Variants in PARD3 observed in about 807,000 individuals in gnomAD.
PARD3 encodes the protein par-3 family cell polarity regulator.
In PARD3, 75 loss-of-function variants were observed where a neutral mutation model predicts 155.4. That is an observed-to-expected ratio of 0.48 (90% CI 0.40 to 0.58). The LOEUF (loss-of-function observed/expected upper bound fraction) is 0.58. Among genes scored for constraint, PARD3 ranks in the 20% least tolerant of loss-of-function variants. The pLI is 0.00. For missense variants in PARD3, 1,642 were observed against 1,721.7 expected (o/e 0.95, Z 0.82); for synonymous variants, 576 against 610.5 (o/e 0.94, Z 0.83).
Position 34,632,749 on chromosome 10 carries a change from A to G in PARD3, c.222+63569T>C, listed in dbSNP as rs189742806. ...CAAAGCATTAGTAGCGTACAGCTCTAGAGGATAAACCCAGCAAGTCTTACC... is the reference window on the plus strand; with the variant it reads ...CAAAGCATTAGTAGCGTACAGCTCTGGAGGATAAACCCAGCAAGTCTTACC... On this transcript the variant is annotated intron_variant, in intron 2 of 24. Transcript: ENST00000374788. 8.5e-5 allele frequency among the ~76,000 whole-genome samples: 13 copies of G among 152,378 alleles called. No individual in the cohort carries two copies. The East Asian group carries it at 2.5e-3, about 29-fold the overall frequency.
intron 2 of PARD3, among the ~76,000 whole-genome samples, chr10:34,606,986 AGAC>A (rs1164477108): frequency 6.7e-6 from 1 of 150,284 alleles, no homozygotes; most frequent in African/African-American, 2.5e-5. Context: ...AAAAAAAAAA[AGAC>A]AGCCAAACAC....
intron 3 of PARD3, among the ~76,000 whole-genome samples, chr10:34,475,900 C>A (rs754624619): frequency 4.6e-5 from 7 of 152,068 alleles, no homozygotes; most frequent in Non-Finnish European, 8.8e-5. Flanking sequence ...GTCTGAATAA[C>A]CAGTTTTTCT....
At chr10:34,489,347 C>T (rs2079719689) in intron 3 of PARD3, among the ~76,000 whole-genome samples, 1 of 152,106 alleles carries the variant, frequency 6.6e-6, no homozygotes, top group Non-Finnish European at 1.5e-5. Flanking sequence ...ACAGACTACG[C>T]CACGAAGAGA....
chr10:34,265,226 TCAAA>T (rs762425657), intron 22 of PARD3, among the ~76,000 whole-genome samples: 6 of 152,186 alleles, frequency 3.9e-5, no homozygotes, highest in Non-Finnish European at 7.3e-5. Context: ...TATAATAAAA[TCAAA>T]CAGACATGGG....
intron 20 of PARD3, among the ~76,000 whole-genome samples, chr10:34,285,586 A>G (rs1956347128): frequency 6.6e-6 from 1 of 152,042 alleles, no homozygotes; most frequent in Non-Finnish European, 1.5e-5. Context: ...AAAAAAAAAA[A>G]AGAAAGAAAG....
intron 1 of PARD3, among the ~76,000 whole-genome samples, chr10:34,806,962 T>A (rs964338919): frequency 6.6e-6 from 1 of 152,136 alleles, no homozygotes; most frequent in African/African-American, 2.4e-5. Context: ...AGCTCAAAAT[T>A]TCTGGGAGCC....
rs560206080 is a variant in PARD3, at chr10:34,367,129, G to T, written c.1707+5369C>A. 1.2e-4 allele frequency among the ~76,000 whole-genome samples: 18 copies of T among 152,106 alleles called. No individual in the cohort carries two copies. In the South Asian group the frequency reaches 3.7e-3, roughly 32 times the overall value. On this transcript the variant is annotated intron_variant, in intron 12 of 24. Transcript: ENST00000374788. ...AAACATCAGACAAACTCAAATTGAG[G>T]GACATTCTCAAAGTAATCTGCCCCT...
intron 12 of PARD3, among the ~76,000 whole-genome samples, chr10:34,361,959 C>A (rs575097898): frequency 3.3e-5 from 5 of 152,250 alleles, no homozygotes; most frequent in Non-Finnish European, 5.9e-5. Flanking sequence ...AAGCCTTAAG[C>A]CTGCTCATCA....
At position 34,244,548 on chromosome 10, in the gene PARD3, G is replaced by A. The variant is rs141973429; in HGVS notation, c.3419+25109C>T. On this transcript the variant is annotated intron_variant, in intron 22 of 24. Coordinates refer to ENST00000374788, the MANE Select transcript of PARD3 (RefSeq NM_001184785.2). The stretch of plus-strand genomic sequence containing the variant: ...AAATTCACCAAGAAAAAAATGCAAC[G>A]TTATCAATTCTGAATTATGGTTATT... Among the ~76,000 whole-genome samples, 40 of 152,106 alleles carry A rather than the reference G, an allele frequency of 2.6e-4. 1 individual carries two copies. The East Asian group carries it at 5.2e-3, about 20-fold the overall frequency.
At chr10:34,720,800 A>G (rs12356453) in intron 1 of PARD3, among the ~76,000 whole-genome samples, 35,245 of 150,994 alleles carry the variant, frequency 0.23, 5,331 homozygotes, top group East Asian at 0.5. Context: ...TCTGTCTCCA[A>G]AAAAAAAAAG....
intron 2 of PARD3, among the ~76,000 whole-genome samples, chr10:34,630,469 G>A (rs1396475507): frequency 6.8e-6 from 1 of 146,964 alleles, no homozygotes; most frequent in Non-Finnish European, 1.5e-5. Context: ...TTCTTCCGGA[G>A]ACAGGGTCTT....
Position 34,342,522 on chromosome 10 carries a change from T to C in PARD3, c.2219-706A>G, listed in dbSNP as rs16935339. On this transcript the variant is annotated intron_variant, in intron 15 of 24. Coordinates refer to ENST00000374788, the MANE Select transcript of PARD3 (RefSeq NM_001184785.2). ...TAAATGCATGATGGAGAAAAGCCCATGATGCAGTCAGGTGAAACTTAAAAG... is the reference window on the plus strand; with the variant it reads ...TAAATGCATGATGGAGAAAAGCCCACGATGCAGTCAGGTGAAACTTAAAAG... Among the ~76,000 whole-genome samples the C allele has an allele frequency of 8.0e-3, 1,219 of 152,278 alleles. 19 individuals carry two copies. The highest frequency in any genetic ancestry group is 0.028 in the African/African-American group (1,153 of 41,566).
rs747814398 is a variant in PARD3 at position 34,111,137 on chromosome 10, T to C, written c.*32A>G. ...GTCTTCATAGGAAAATGTCTTTTAT[T>C]GCGCGACATGAAGCATCCGTTATTT... On this transcript the variant is annotated 3_prime_UTR_variant, in exon 25 of 25. Coordinates refer to ENST00000374788, the MANE Select transcript of PARD3 (RefSeq NM_001184785.2). 105 of 1,514,296 alleles carry C rather than the reference T, an allele frequency of 6.9e-5. No homozygotes were observed. In the East Asian group the frequency reaches 2.3e-3, roughly 33 times the overall value. 93.8% of individuals were successfully genotyped at this position (1,514,296 alleles called of 1,614,324 possible). A position where few individuals can be genotyped will look rare whatever the true frequency, so the allele number is the denominator to read the frequency against.
chr10:34,680,061 C>T (rs1466625663), intron 2 of PARD3, among the ~76,000 whole-genome samples: 1 of 151,682 alleles, frequency 6.6e-6, no homozygotes, highest in Non-Finnish European at 1.5e-5. Flanking sequence ...AGAACCTGCA[C>T]TTGTACTATC....
At chr10:34,285,393 T>G (rs770496420) in intron 20 of PARD3, among the ~76,000 whole-genome samples, 34 of 151,988 alleles carry the variant, frequency 2.2e-4, no homozygotes, top group Non-Finnish European at 4.3e-4. Context: ...CTGGGCAACA[T>G]AGCGAGACCT....
chr10:34,800,368 G>C (rs950900303), intron 1 of PARD3, among the ~76,000 whole-genome samples: 24 of 152,202 alleles, frequency 1.6e-4, no homozygotes, highest in Admixed American at 1.2e-3. Flanking sequence ...CCAGCACTTT[G>C]GGAGGTCGAG....
rs938821519 is a variant in PARD3, at chr10:34,574,718, C to T, written c.223-57559G>A. ...AGTGTTCCCTTTAGACAGAGAACCA[C>T]GGAACCAAGATATAGGAGCTCCTTC... On this transcript the variant is annotated intron_variant, in intron 2 of 24. Transcript: ENST00000374788. Among the ~76,000 whole-genome samples, 7 of 152,212 alleles carry T rather than the reference C, an allele frequency of 4.6e-5. No individual in the cohort carries two copies. In the South Asian group the frequency reaches 6.2e-4, roughly 14 times the overall value.
Position 34,285,509 on chromosome 10 carries a change from C to T in PARD3, c.3066-1264G>A, listed in dbSNP as rs189885083. On this transcript the variant is annotated intron_variant, in intron 20 of 24. Coordinates refer to ENST00000374788, the MANE Select transcript of PARD3 (RefSeq NM_001184785.2). ...GAAGGATGGCTTGAGCCTGGGAGTT[C>T]GAAGCTGTGTGAACTGTGATTGCGC... Among the ~76,000 whole-genome samples the T allele has an allele frequency of 3.3e-5, 5 of 151,152 alleles. No homozygotes were observed. The East Asian group carries it at 9.8e-4, about 30-fold the overall frequency.
intron 7 of PARD3, among the ~76,000 whole-genome samples, chr10:34,394,603 T>G (rs959122672): frequency 6.6e-6 from 1 of 152,184 alleles, no homozygotes; most frequent in Non-Finnish European, 1.5e-5. Context: ...TGGGATTACA[T>G]GAATGAGCCA....
Sources: gnomAD v4.1 joint callset for allele counts (sites outside exome capture counted in the v4.1 genomes callset) on GRCh38, gnomAD v4.1.1 for gene constraint, MANE v1.5 for transcripts, NCBI Gene and HGNC (gene_info 2026-07-23, HGNC 2026-07-21) for gene names.